The following KLHL1 variants were observed in gnomAD, a reference collection of about 807,000 sequenced individuals.
KLHL1 encodes kelch-like protein 1.
In KLHL1, 47 loss-of-function variants were observed where a neutral mutation model predicts 77.7. The observed-to-expected ratio is 0.60, with a 90% CI of 0.48 to 0.77. KLHL1 has a LOEUF of 0.77. Ranked by LOEUF, KLHL1 falls within the 30% of genes least tolerant of loss-of-function variation. The pLI, the probability that KLHL1 is intolerant of heterozygous loss-of-function variation, is 0.00. For synonymous variants in KLHL1, 360 were observed against 325.2 expected (o/e 1.11, Z -1.15); for missense variants, 925 against 910.8 (o/e 1.02, Z -0.20).
chr13:69,767,597 CTTAAA>C (rs1875369653), intron 7 of KLHL1, among the ~76,000 whole-genome samples: 1 of 152,042 alleles, frequency 6.6e-6, no homozygotes. Flanking sequence ...ATATCCAATC[CTTAAA>C]TTAAAATTAA....
At chr13:69,809,995 C>A (rs1327570296) in intron 6 of KLHL1, among the ~76,000 whole-genome samples, 3 of 151,998 alleles carry the variant, frequency 2.0e-5, no homozygotes, top group Non-Finnish European at 4.4e-5. Flanking sequence ...GAAGACTCAA[C>A]TATTCTAAAT....
At chr13:69,815,130 C>G (rs866350577) in intron 6 of KLHL1, among the ~76,000 whole-genome samples, 3 of 152,278 alleles carry the variant, frequency 2.0e-5, no homozygotes, top group African/African-American at 4.8e-5. Flanking sequence ...TTAGTCCTTA[C>G]AGAAAGCAGT....
chr13:70,014,106 A>G (rs1885601076), intron 1 of KLHL1, among the ~76,000 whole-genome samples: 1 of 152,098 alleles, frequency 6.6e-6, no homozygotes, highest in Non-Finnish European at 1.5e-5. Context: ...ATATTAATAT[A>G]CAATAAAAAT....
At chr13:69,703,435 AAG>A (rs1018188802) in intron 10 of KLHL1, among the ~76,000 whole-genome samples, 2 of 147,606 alleles carry the variant, frequency 1.4e-5, no homozygotes, top group African/African-American at 5.0e-5. Flanking sequence ...TTAAAAATTT[AAG>A]AGTTTAAAAA....
chr13:69,868,828 G>A (rs944347172), intron 5 of KLHL1, among the ~76,000 whole-genome samples: 1 of 151,974 alleles, frequency 6.6e-6, no homozygotes, highest in African/African-American at 2.4e-5. Context: ...GCTTTACAAT[G>A]TTACCTAAAA....
Position 69,839,091 on chromosome 13 carries a change from T to C in KLHL1, c.1299A>G (p.Ala433=), listed in dbSNP as rs1403078093. ...DLECQKLILE[A]MKYHLLPERR... ...TTTCTGGCAATAGATGGTATTTCATTGCTTCTAGAATCAGCTTTTGACATT... is the reference window on the plus strand; with the variant it reads ...TTTCTGGCAATAGATGGTATTTCATCGCTTCTAGAATCAGCTTTTGACATT... Residue 433 remains alanine, a synonymous_variant, in exon 6 of 11, where the codon GCA becomes GCG. Transcript: ENST00000377844. 6.2e-7 allele frequency: 1 copy of C among 1,609,702 alleles called. No individual in the cohort carries two copies. Among genetic ancestry groups the C allele is most frequent in the South Asian group, 1.1e-5 (1 of 90,390 alleles).
intron 7 of KLHL1, among the ~76,000 whole-genome samples, chr13:69,792,658 T>G (rs1876920910): frequency 6.6e-6 from 1 of 152,206 alleles, no homozygotes; most frequent in South Asian, 2.1e-4. Flanking sequence ...ATTGATGACG[T>G]ATTAACAAAT....
At chr13:69,875,089 A>T (rs779946308) in intron 5 of KLHL1, among the ~76,000 whole-genome samples, 6 of 152,178 alleles carry the variant, frequency 3.9e-5, no homozygotes, top group Non-Finnish European at 8.8e-5. Flanking sequence ...TAGCAACGAC[A>T]GTTGAGCAAG....
Position 69,950,912 on chromosome 13 carries a change from C to A in KLHL1, c.817+10396G>T, listed in dbSNP as rs73512624. ...CAGTTCTATAATTCGTTGTTATATC[C>A]ACTTTTGGCTAAATACTGAAGATGT... On this transcript the variant is annotated intron_variant, in intron 3 of 10. Transcript: ENST00000377844. 6.6e-3 allele frequency among the ~76,000 whole-genome samples: 1,005 copies of A among 151,598 alleles called. 12 individuals carry two copies. The highest frequency in any genetic ancestry group is 0.023 in the African/African-American group (972 of 41,456).
chr13:69,716,849 T>A (rs1200581158), intron 9 of KLHL1, among the ~76,000 whole-genome samples: 1 of 152,194 alleles, frequency 6.6e-6, no homozygotes, highest in East Asian at 1.9e-4. Context: ...GGTAAATGAA[T>A]GAATGTTCTT....
At chr13:69,880,047 AG>A (rs1167448677) in intron 5 of KLHL1, among the ~76,000 whole-genome samples, 1 of 152,216 alleles carries the variant, frequency 6.6e-6, no homozygotes, top group African/African-American at 2.4e-5. Context: ...ATGATCTTCC[AG>A]GTTAGAGAGC....
chr13:69,891,716 A>C (rs1881430057), intron 4 of KLHL1, among the ~76,000 whole-genome samples: 1 of 152,052 alleles, frequency 6.6e-6, no homozygotes, highest in Admixed American at 6.6e-5. Flanking sequence ...ATTAGAAAAA[A>C]ATAATATTTA....
chr13:69,714,594 T>A (rs1876029711), intron 9 of KLHL1, among the ~76,000 whole-genome samples: 1 of 151,818 alleles, frequency 6.6e-6, no homozygotes, highest in South Asian at 2.1e-4. Flanking sequence ...ATTTTATTTA[T>A]TTATTTATAT....
At chr13:69,782,970 A>G (rs1317866652) in intron 7 of KLHL1, among the ~76,000 whole-genome samples, 1 of 152,184 alleles carries the variant, frequency 6.6e-6, no homozygotes, top group Non-Finnish European at 1.5e-5. Flanking sequence ...AAACTTCCAG[A>G]GGAACGATCA....
intron 4 of KLHL1, among the ~76,000 whole-genome samples, chr13:69,921,967 C>T (rs1276175152): frequency 1.4e-5 from 2 of 139,860 alleles, no homozygotes; most frequent in East Asian, 4.2e-4. Context: ...CTCACTCTGT[C>T]ACCCAGGCTG....
At chr13:69,887,051 G>C (rs1237392734) in intron 4 of KLHL1, among the ~76,000 whole-genome samples, 2 of 152,144 alleles carry the variant, frequency 1.3e-5, no homozygotes, top group Admixed American at 1.3e-4. Flanking sequence ...TACATCCTCT[G>C]GTTGAGGTTG....
intron 8 of KLHL1, among the ~76,000 whole-genome samples, chr13:69,735,552 TATAA>T (rs1002637119): frequency 1.5e-4 from 22 of 149,286 alleles, no homozygotes; most frequent in South Asian, 4.2e-4. Context: ...ATTATTAATG[TATAA>T]ATAGATATAA....
rs1886692173 is a variant in KLHL1 at position 70,054,217 on chromosome 13, AG to A, written c.497+52985del. ...TAATGCTAAGAGACAGTAATAATAT[AG>A]GTATTATTATCTAAATTTTGTGTAG... On this transcript the variant is annotated intron_variant, in intron 1 of 10. Transcript: ENST00000377844. 3.3e-5 allele frequency among the ~76,000 whole-genome samples: 5 copies of A among 152,258 alleles called. No homozygotes were observed. In the South Asian group the frequency reaches 1.0e-3, roughly 32 times the overall value.
chr13:69,790,106 A>G (rs1287747797), intron 7 of KLHL1, among the ~76,000 whole-genome samples: 2 of 152,128 alleles, frequency 1.3e-5, no homozygotes, highest in African/African-American at 4.8e-5. Flanking sequence ...TTATGTTTCC[A>G]AAAGATTCCT....
Sources: allele counts gnomAD v4.1 joint callset (sites outside exome capture counted in the v4.1 genomes callset), GRCh38; gene constraint gnomAD v4.1.1; transcripts MANE v1.5; gene names NCBI Gene and HGNC (gene_info 2026-07-23, HGNC 2026-07-21).